Variants in MYH10 observed in about 807,000 individuals in gnomAD.
The protein encoded by MYH10 is myosin heavy chain 10, also known as myosin-10.
In MYH10, 55 loss-of-function variants were observed where a neutral mutation model predicts 257.8. The ratio of observed to expected loss-of-function variants is 0.21; its 90% CI spans 0.17 to 0.27. The LOEUF is 0.27. Ranked by LOEUF, MYH10 falls within the 10% of genes least tolerant of loss-of-function variation. The pLI is 1.00. For synonymous variants in MYH10, 854 were observed against 921.7 expected, an observed-to-expected ratio of 0.93 and a Z score of 1.33; for missense variants, 1,631 against 2,500.6, an observed-to-expected ratio of 0.65 and a Z score of 7.42.
intron 24 of MYH10, among the ~76,000 whole-genome samples, chr17:8,512,110 G>C (rs973789199): frequency 1.3e-5 from 2 of 152,202 alleles, no homozygotes; most frequent in Non-Finnish European, 2.9e-5. Context: ...CTAATGAATG[G>C]AGTGAGCAAC....
rs1170463624 is a variant in MYH10 at position 8,567,959 on chromosome 17, T to C, written c.756+1761A>G. On this transcript the variant is annotated intron_variant, in intron 7 of 42. Coordinates refer to ENST00000360416, the MANE Select transcript of MYH10 (RefSeq NM_001256012.3). ...AAGGACAAGGATATTCCCAACCTCC[T>C]TGGACCCTTGCCGGCGCCCAGATGT... Among the ~76,000 whole-genome samples the C allele has an allele frequency of 5.9e-5, 9 of 152,174 alleles. No individual in the cohort carries two copies. The South Asian group carries it at 8.3e-4, about 14-fold the overall frequency.
intron 11 of MYH10, among the ~76,000 whole-genome samples, chr17:8,547,054 T>C (rs554091372): frequency 7.7e-4 from 117 of 152,278 alleles, no homozygotes; most frequent in Admixed American, 1.0e-3. Flanking sequence ...GGCAACCTAG[T>C]GGTCCCCTAC....
chr17:8,486,248 G>A (rs1023810747), intron 36 of MYH10, among the ~76,000 whole-genome samples: 15 of 152,126 alleles, frequency 9.9e-5, no homozygotes, highest in Non-Finnish European at 2.9e-5. Context: ...CCCCAAATAT[G>A]ATAGTGGTGA....
intron 2 of MYH10, among the ~76,000 whole-genome samples, chr17:8,606,750 C>T (rs1228207219): frequency 6.6e-6 from 1 of 152,186 alleles, no homozygotes; most frequent in African/African-American, 2.4e-5. Context: ...GGCAAAGGGC[C>T]CTTATCCTAA....
intron 24 of MYH10, among the ~76,000 whole-genome samples, chr17:8,512,084 C>T (rs147865936): frequency 3.7e-4 from 56 of 152,276 alleles, no homozygotes; most frequent in African/African-American, 8.2e-4. Context: ...AGCCAAACCA[C>T]GTAGTAGATG....
At chr17:8,602,007 G>A (rs550645114) in intron 3 of MYH10, among the ~76,000 whole-genome samples, 1 of 138,206 alleles carries the variant, frequency 7.2e-6, no homozygotes, top group South Asian at 2.2e-4. Context: ...ACGGAGTCTC[G>A]TTCTTTCGCC....
intron 2 of MYH10, among the ~76,000 whole-genome samples, chr17:8,605,908 A>G (rs903083523): frequency 6.6e-6 from 1 of 152,220 alleles, no homozygotes; most frequent in Non-Finnish European, 1.5e-5. Context: ...TTTGGTTAAT[A>G]CTAAAGAGAT....
chr17:8,557,781 C>T (rs189089417), intron 7 of MYH10, among the ~76,000 whole-genome samples: 3 of 152,248 alleles, frequency 2.0e-5, no homozygotes, highest in African/African-American at 7.2e-5. Context: ...GTTATCAAAA[C>T]AAATGGCAAA....
chr17:8,534,169 A>G (rs1244844845), intron 16 of MYH10, among the ~76,000 whole-genome samples: 1 of 152,220 alleles, frequency 6.6e-6, no homozygotes, highest in African/African-American at 2.4e-5. Flanking sequence ...TTCTCTTCCC[A>G]GTCCTCACAC....
At chr17:8,565,272 C>T (rs1238151801) in intron 7 of MYH10, among the ~76,000 whole-genome samples, 1 of 152,108 alleles carries the variant, frequency 6.6e-6, no homozygotes, top group African/African-American at 2.4e-5. Context: ...ACAAATCAAA[C>T]ATCAAAATTA....
At chr17:8,622,511 T>C (rs1434995402) in intron 2 of MYH10, among the ~76,000 whole-genome samples, 2 of 152,198 alleles carry the variant, frequency 1.3e-5, no homozygotes, top group South Asian at 4.1e-4. Flanking sequence ...TTACAGCCCC[T>C]CCACTTTACT....
chr17:8,551,894 A>G, intron 9 of MYH10, 152 bp downstream of exon 9: 1 of 428,754 alleles, frequency 2.3e-6, no homozygotes, highest in Non-Finnish European at 4.2e-6. Flanking sequence ...ATGGCATGGA[A>G]GTTCAATTTC....
At chr17:8,558,792 T>A (rs1260408628) in intron 7 of MYH10, among the ~76,000 whole-genome samples, 3 of 152,234 alleles carry the variant, frequency 2.0e-5, no homozygotes, top group Admixed American at 1.3e-4. Flanking sequence ...TTATAAAACA[T>A]TTTCATCTTT....
In MYH10 at chr17:8,542,252, T is replaced by G; in HGVS notation, c.1460A>C (p.Asn487Thr). 1 of 1,614,040 alleles carries G rather than the reference T, an allele frequency of 6.2e-7. No individual in the cohort carries two copies. The highest frequency in any genetic ancestry group is 8.5e-7 in the Non-Finnish European group (1 of 1,179,998). ...CTGCTGCAGCTTCTCATTGGTGTAG[T>G]TGATGCAAAGTTGTTCAAAGGAGTT... is the stretch of plus-strand genomic sequence containing the variant. The part of the protein sequence containing the change: ...ELNSFEQLCI[N>T]YTNEKLQQLF... The change falls in exon 14 of 43, where the codon AAC becomes ACC. Residue 487 changes from asparagine (N) to threonine (T), a missense_variant. Physicochemically the swap from Asn to Thr is moderately conservative, Grantham distance 65. Around this residue, in one of 11 missense-constraint regions of MYH10, gnomAD observed 63 missense variants for 167.9 expected, o/e 0.38. Transcript: ENST00000360416.
chr17:8,482,512 C>T lies in MYH10; in HGVS notation c.5176-1102G>A, dbSNP rs546613241. Reference sequence around the variant, plus strand: ...GACTCCAGACAGCTCTACCATCTGGCCTCTGGTGTTTTGTCTTCTTGGGCC... The same window carrying T: ...GACTCCAGACAGCTCTACCATCTGGTCTCTGGTGTTTTGTCTTCTTGGGCC... On this transcript the variant is annotated intron_variant, in intron 37 of 42. Coordinates refer to ENST00000360416, the MANE Select transcript of MYH10 (RefSeq NM_001256012.3). Among the ~76,000 whole-genome samples, 71 of 152,330 alleles carry T rather than the reference C, an allele frequency of 4.7e-4. 1 individual carries two copies. The highest frequency in any genetic ancestry group is 1.6e-3 in the African/African-American group (67 of 41,576).
intron 36 of MYH10, among the ~76,000 whole-genome samples, chr17:8,486,817 C>T (rs548959449): frequency 2.0e-5 from 3 of 152,242 alleles, no homozygotes; most frequent in South Asian, 2.1e-4. Flanking sequence ...TAGGGGGTTT[C>T]CATTTTTGCT....
chr17:8,563,086 G>T (rs1446460196), intron 7 of MYH10, among the ~76,000 whole-genome samples: 1 of 152,196 alleles, frequency 6.6e-6, no homozygotes, highest in Non-Finnish European at 1.5e-5. Context: ...TACATGATCT[G>T]CAGTATGCAT....
chr17:8,616,753 T>C (rs952507196), intron 2 of MYH10, among the ~76,000 whole-genome samples: 3 of 152,096 alleles, frequency 2.0e-5, no homozygotes, highest in Non-Finnish European at 4.4e-5. Context: ...CAAGGTTGTG[T>C]GTGTAAATGA....
At position 8,545,685 on chromosome 17, in the gene MYH10, C is replaced by A; in HGVS notation, c.1279-85G>T. The A allele has an allele frequency of 7.1e-7, 1 of 1,411,588 alleles. No homozygotes were observed. Among genetic ancestry groups the A allele is most frequent in the Non-Finnish European group, 9.6e-7 (1 of 1,045,294 alleles). The allele number at this position is 1,411,588 out of a possible 1,614,324, so 87.4% of individuals were successfully genotyped here. On this transcript the variant is annotated intron_variant, in intron 12 of 42. Transcript: ENST00000360416. This position sits in a 1 kb window ranked among gnomAD's most constrained non-coding sequence, Gnocchi z 4.7. ...CTGTTTTACGGAATTTAATGTTATA[C>A]AGCACTCAAAAAACCTGAGATGGCA...
Sources: gnomAD v4.1 joint callset for allele counts (sites outside exome capture counted in the v4.1 genomes callset) on GRCh38, gnomAD v4.1.1 for gene constraint, gnomAD v4.1.1 regional missense constraint, Gnocchi (gnomAD v3.1) non-coding constraint, MANE v1.5 for transcripts, NCBI Gene and HGNC (gene_info 2026-07-23, HGNC 2026-07-21) for gene names.